SLC25A20: variants seen among roughly 807,000 people sequenced by gnomAD.
SLC25A20 encodes solute carrier family 25 member 20, also known as mitochondrial carnitine/acylcarnitine carrier protein.
Under a neutral mutation model 39.7 loss-of-function variants are expected in SLC25A20, and 29 were observed. That is an observed-to-expected ratio of 0.73 (90% CI 0.54 to 1.00). The LOEUF (loss-of-function observed/expected upper bound fraction) is 1.00. Among genes scored for constraint, SLC25A20 ranks in the 50% least tolerant of loss-of-function variants. The pLI is 0.00. For missense variants in SLC25A20, 333 were observed against 379.9 expected, an observed-to-expected ratio of 0.88 and a Z score of 1.03; for synonymous variants, 103 against 142.2, an observed-to-expected ratio of 0.72 and a Z score of 1.96.
chr3:48,875,639 A>G (rs776349056), intron 4 of SLC25A20, among the ~76,000 whole-genome samples: 5 of 152,074 alleles, frequency 3.3e-5, no homozygotes, highest in African/African-American at 4.8e-5. Flanking sequence ...CAAACTGCTG[A>G]CCTCAGGTGA....
intron 4 of SLC25A20, among the ~76,000 whole-genome samples, chr3:48,878,406 T>C (rs1444550391): frequency 6.6e-6 from 1 of 151,348 alleles, no homozygotes; most frequent in African/African-American, 2.4e-5. Flanking sequence ...CAATCATGGC[T>C]CAGTGCAGCC....
chr3:48,873,074 A>G (rs1211117461), intron 4 of SLC25A20, among the ~76,000 whole-genome samples: 1 of 151,588 alleles, frequency 6.6e-6, no homozygotes, highest in African/African-American at 2.4e-5. Context: ...AAATACAAAA[A>G]CTAGCTGGGT....
chr3:48,880,256 C>CTTTCT (rs1249448409), intron 3 of SLC25A20, among the ~76,000 whole-genome samples: 4 of 152,014 alleles, frequency 2.6e-5, no homozygotes, highest in Admixed American at 6.6e-5. Context: ...TGGCATCTCC[C>CTTTCT]TTTCTTTTCT....
chr3:48,891,590 C>G (rs1390093711), intron 2 of SLC25A20, among the ~76,000 whole-genome samples: 2 of 152,088 alleles, frequency 1.3e-5, no homozygotes, highest in East Asian at 3.9e-4. Flanking sequence ...CCAGGCTGGT[C>G]TTAAACTCCT....
intron 4 of SLC25A20, among the ~76,000 whole-genome samples, chr3:48,862,976 G>A (rs1328512783): frequency 1.3e-5 from 2 of 152,198 alleles, no homozygotes; most frequent in Non-Finnish European, 1.5e-5. Flanking sequence ...CAGGTCGCCT[G>A]AGGTCAGGAG....
intron 1 of SLC25A20, among the ~76,000 whole-genome samples, chr3:48,896,577 C>T (rs958973784): frequency 6.6e-6 from 1 of 152,060 alleles, no homozygotes; most frequent in Non-Finnish European, 1.5e-5. Context: ...ATGGCACAAT[C>T]TCAGCTCACT....
At chr3:48,859,500 G>A in intron 6 of SLC25A20, 55 bp downstream of exon 6, 1 of 1,392,104 alleles carries the variant, frequency 7.2e-7, no homozygotes, top group Non-Finnish European at 1.0e-6. Flanking sequence ...ACCCACAGGA[G>A]AGGGCAACGC....
intron 4 of SLC25A20, among the ~76,000 whole-genome samples, chr3:48,874,070 T>A (rs900899744): frequency 8.1e-5 from 12 of 148,902 alleles, no homozygotes; most frequent in Non-Finnish European, 1.5e-4. Flanking sequence ...GGCGGGTGAA[T>A]CACCTGAGGT....
intron 1 of SLC25A20, among the ~76,000 whole-genome samples, chr3:48,892,662 T>C (rs2083885732): frequency 6.6e-6 from 1 of 152,196 alleles, no homozygotes; most frequent in Non-Finnish European, 1.5e-5. Context: ...GAAGTGTCAG[T>C]CAGCCTTTTG....
chr3:48,875,104 ATTAAT>A (rs2083745619), intron 4 of SLC25A20, among the ~76,000 whole-genome samples: 1 of 150,506 alleles, frequency 6.6e-6, no homozygotes, highest in Non-Finnish European at 1.5e-5. Flanking sequence ...TATTTATTTA[ATTAAT>A]TTATTTATTT....
intron 3 of SLC25A20, 96 bp downstream of exon 3, chr3:48,883,901 G>A (rs374304914): frequency 1.6e-5 from 23 of 1,459,740 alleles, no homozygotes; most frequent in East Asian, 1.5e-4. Context: ...TAGGATTACA[G>A]GTATGAGCCA....
chr3:48,874,464 CA>C (rs1220746425), intron 4 of SLC25A20, among the ~76,000 whole-genome samples: 2,190 of 128,486 alleles, frequency 0.017, 18 homozygotes, highest in Middle Eastern at 0.073. Context: ...AGACCTTGTC[CA>C]AAAAAAAAAA....
At chr3:48,868,577 T>G (rs2083689175) in intron 4 of SLC25A20, among the ~76,000 whole-genome samples, 1 of 152,148 alleles carries the variant, frequency 6.6e-6, no homozygotes, top group African/African-American at 2.4e-5. Flanking sequence ...AGTGGTGAGT[T>G]CCTTGGGTTT....
intron 4 of SLC25A20, among the ~76,000 whole-genome samples, chr3:48,863,115 G>A (rs1023984638): frequency 1.3e-5 from 2 of 152,066 alleles, no homozygotes; most frequent in African/African-American, 4.8e-5. Context: ...GCCTGAACTT[G>A]GGAGGCAGAG....
intron 1 of SLC25A20, among the ~76,000 whole-genome samples, chr3:48,898,236 G>A (rs1222942544): frequency 2.0e-5 from 3 of 152,164 alleles, no homozygotes; most frequent in Non-Finnish European, 2.9e-5. Flanking sequence ...CGAAAGAGAT[G>A]GGTACTCTTG....
At chr3:48,865,461 T>A (rs2083659049) in intron 4 of SLC25A20, among the ~76,000 whole-genome samples, 1 of 150,872 alleles carries the variant, frequency 6.6e-6, no homozygotes. Context: ...AAAAATGGTG[T>A]CTAAAAGTCA....
chr3:48,889,449 G>T (rs2083857349), intron 2 of SLC25A20, among the ~76,000 whole-genome samples: 1 of 152,056 alleles, frequency 6.6e-6, no homozygotes, highest in South Asian at 2.1e-4. Context: ...CCTGTCTAGG[G>T]GAACTGGAGA....
At chr3:48,895,722 G>T (rs1162464214) in intron 1 of SLC25A20, 1 of 454,816 alleles carries the variant, frequency 2.2e-6, no homozygotes, top group Non-Finnish European at 4.4e-6. Context: ...GGGGTTTATG[G>T]GACACAATAG....
chr3:48,861,643 C>T (rs2083628527), intron 5 of SLC25A20, among the ~76,000 whole-genome samples: 1 of 152,136 alleles, frequency 6.6e-6, no homozygotes, highest in African/African-American at 2.4e-5. Flanking sequence ...AGGAGAGTCA[C>T]TTGAACCCAG....
Sources: allele counts gnomAD v4.1 joint callset (sites outside exome capture counted in the v4.1 genomes callset), GRCh38; gene constraint gnomAD v4.1.1; transcripts MANE v1.5; gene names NCBI Gene and HGNC (gene_info 2026-07-23, HGNC 2026-07-21).